The following DARS2 variants were observed in gnomAD, a reference collection of about 807,000 sequenced individuals.
The protein encoded by DARS2 is aspartate--tRNA ligase, mitochondrial.
A neutral mutation model predicts 83.0 loss-of-function variants in DARS2; 63 were observed. The observed-to-expected ratio is 0.76, with a 90% CI of 0.62 to 0.94. The LOEUF is 0.94. Among genes scored for constraint, DARS2 ranks in the 40% least tolerant of loss-of-function variants. The pLI, the probability that DARS2 is intolerant of heterozygous loss-of-function variation, is 0.00. For missense variants in DARS2, 675 were observed against 774.4 expected, an observed-to-expected ratio of 0.87 and a Z score of 1.52; for synonymous variants, 250 against 269.3, an observed-to-expected ratio of 0.93 and a Z score of 0.70.
intron 15 of DARS2, among the ~76,000 whole-genome samples, chr1:173,855,601 C>T (rs1194514735): frequency 6.6e-6 from 1 of 152,136 alleles, no homozygotes; most frequent in Non-Finnish European, 1.5e-5. Context: ...AGCTTCCAGT[C>T]AGCAGTTTTC....
chr1:173,845,962 C>G lies in DARS2; in HGVS notation c.1191+671C>G, dbSNP rs191249088. On this transcript the variant is annotated intron_variant, in intron 12 of 16. Coordinates refer to ENST00000649689, the MANE Select transcript of DARS2 (RefSeq NM_018122.5). ...CACGAAGTCAGGAGATTGAGACCAT[C>G]CTGGCTAACATGGTGAAACCCCGTC... Among the ~76,000 whole-genome samples the G allele has an allele frequency of 7.5e-3, 1,136 of 152,222 alleles. 13 individuals are homozygous for G. Among genetic ancestry groups the G allele is most frequent in the African/African-American group, 0.024 (1,012 of 41,540 alleles).
intron 11 of DARS2, among the ~76,000 whole-genome samples, chr1:173,842,937 T>TC (rs1653284944): frequency 8.4e-6 from 1 of 118,432 alleles, no homozygotes; most frequent in Non-Finnish European, 1.6e-5. Flanking sequence ...ACACTCCATC[T>TC]TAAAAAAAAA....
At position 173,858,199 on chromosome 1, in the gene DARS2, CATA is replaced by C. The variant is rs943743175; in HGVS notation, c.*498_*500del. 3.7e-5 allele frequency: 6 copies of C among 161,634 alleles called. No homozygotes were observed. The highest frequency in any genetic ancestry group is 1.4e-4 in the African/African-American group (6 of 41,648). 10.0% of individuals were successfully genotyped at this position (161,634 alleles called of 1,614,324 possible). A position where few individuals can be genotyped will look rare whatever the true frequency, so the allele number is the denominator to read the frequency against. On this transcript the variant is annotated 3_prime_UTR_variant, in exon 17 of 17. Coordinates refer to ENST00000649689, the MANE Select transcript of DARS2 (RefSeq NM_018122.5). ...ATCAACATAATATAGTGAGGAGTAG[CATA>C]ATATTTTTTAATAATGCAGAAAACA...
At chr1:173,850,889 G>T (rs551239110) in intron 13 of DARS2, among the ~76,000 whole-genome samples, 6 of 152,064 alleles carry the variant, frequency 3.9e-5, no homozygotes, top group African/African-American at 1.4e-4. Flanking sequence ...ACAGGCGTGA[G>T]CCACCGTGCC....
Position 173,842,317 on chromosome 1 carries a change from T to TTTTTTTTTTTTTTTTTTTTTTTTTTG in DARS2, c.1128+1344_1128+1345insTTTTTTTTTTTTTTTTTTTTTTTTTG, listed in dbSNP as rs1304745729. ...TTTTTTTTTTTTTTTTTTTTTTTTT[T>TTTTTTTTTTTTTTTTTTTTTTTTTTG]AGAGTGAGTCTTGCTCTGTCGCCCA... is the stretch of plus-strand genomic sequence containing the variant. On this transcript the variant is annotated intron_variant, in intron 11 of 16. Transcript: ENST00000649689. 1.5e-4 allele frequency among the ~76,000 whole-genome samples: 17 copies of TTTTTTTTTTTTTTTTTTTTTTTTTTG among 116,628 alleles called. 5 individuals are homozygous for TTTTTTTTTTTTTTTTTTTTTTTTTTG. The highest frequency in any genetic ancestry group is 7.2e-4 in the African/African-American group (17 of 23,540). The allele number at this position is 116,628 out of a possible 152,430, so 76.5% of individuals were successfully genotyped here. A position where few individuals can be genotyped will look rare whatever the true frequency, so the allele number is the denominator to read the frequency against.
At chr1:173,826,116 G>C (rs1223128098) in intron 1 of DARS2, among the ~76,000 whole-genome samples, 2 of 151,706 alleles carry the variant, frequency 1.3e-5, no homozygotes, top group African/African-American at 2.4e-5. Context: ...CCCCGCTGCT[G>C]GGGAGGCCGA....
chr1:173,836,543 CAAA>C (rs749404243), intron 7 of DARS2, among the ~76,000 whole-genome samples: 1 of 109,568 alleles, frequency 9.1e-6, no homozygotes, highest in African/African-American at 3.5e-5. Flanking sequence ...GATTCTGTCT[CAAA>C]AAAAAAAAAA....
At chr1:173,846,111 T>C (rs1424278082) in intron 12 of DARS2, among the ~76,000 whole-genome samples, 1 of 151,634 alleles carries the variant, frequency 6.6e-6, no homozygotes. Context: ...TGAGCCGAGA[T>C]TGTGCCACTG....
intron 7 of DARS2, among the ~76,000 whole-genome samples, chr1:173,836,485 G>A (rs1653010121): frequency 6.6e-6 from 1 of 151,424 alleles, no homozygotes; most frequent in East Asian, 1.9e-4. Context: ...GGAGGTTGCA[G>A]TGAGCCGAGA....
At chr1:173,841,117 G>A (rs1207045360) in intron 11 of DARS2, 144 bp downstream of exon 11, 13 of 673,512 alleles carry the variant, frequency 1.9e-5, no homozygotes, top group East Asian at 1.7e-4. Flanking sequence ...GCTCACACCT[G>A]TAATCCTAGC....
At chr1:173,838,755 AGACAGAGTCTC>A (rs1653100027) in intron 9 of DARS2, among the ~76,000 whole-genome samples, 1 of 151,848 alleles carries the variant, frequency 6.6e-6, no homozygotes, top group African/African-American at 2.4e-5. Flanking sequence ...TTATTTTTTG[AGACAGAGTCTC>A]GCTCTGTCTC....
intron 2 of DARS2, among the ~76,000 whole-genome samples, chr1:173,827,027 G>A (rs1221648971): frequency 6.6e-6 from 1 of 152,172 alleles, no homozygotes; most frequent in African/African-American, 2.4e-5. Context: ...ATCTGTTGAA[G>A]GGTATAACAA....
At chr1:173,851,730 T>C in intron 13 of DARS2, 1 of 522,668 alleles carries the variant, frequency 1.9e-6, no homozygotes, top group Non-Finnish European at 2.5e-6. Context: ...AATTTATTTT[T>C]TCACTTTAGT....
In DARS2 at chr1:173,832,768, CAA is replaced by C. The variant is rs5779442; in HGVS notation, c.493-591_493-590del. Among the ~76,000 whole-genome samples the C allele has an allele frequency of 2.4e-3, 244 of 103,708 alleles. 1 individual carries two copies. The highest frequency in any genetic ancestry group is 5.9e-3 in the African/African-American group (178 of 30,188). The allele number at this position is 103,708 out of a possible 152,430, so 68.0% of individuals were successfully genotyped here. A position where few individuals can be genotyped will look rare whatever the true frequency, so the allele number is the denominator to read the frequency against. On this transcript the variant is annotated intron_variant, in intron 5 of 16. Transcript: ENST00000649689. The stretch of plus-strand genomic sequence containing the variant: ...TGGGTGACACAGCAAGACTCCATCT[CAA>C]AAAAAAAAAAAAAAAAGAGAGAGAA...
intron 13 of DARS2, chr1:173,852,338 C>A: frequency 2.9e-6 from 2 of 688,012 alleles, no homozygotes; most frequent in Non-Finnish European, 3.6e-6. Context: ...ATTTAATCCT[C>A]ATGCCAACCC....
chr1:173,850,563 T>G (rs1445757303), intron 13 of DARS2, 84 bp downstream of exon 13: 1 of 1,382,050 alleles, frequency 7.2e-7, no homozygotes, highest in East Asian at 2.5e-5. Context: ...ACGTTTGAAC[T>G]GTAGACTGTT....
In DARS2 at chr1:173,850,851, C is replaced by T. The variant is rs1461899198; in HGVS notation, c.1344+372C>T. Among the ~76,000 whole-genome samples the T allele has an allele frequency of 1.8e-4, 27 of 151,884 alleles. 1 individual carries two copies. The highest frequency in any genetic ancestry group is 9.8e-4 in the Admixed American group (15 of 15,258). ...AACTCCTCAGCTTAGGCAGTCCACC[C>T]GCCGCAGCCTCCTGAAGTGCTAGGA... On this transcript the variant is annotated intron_variant, in intron 13 of 16. Coordinates refer to ENST00000649689, the MANE Select transcript of DARS2 (RefSeq NM_018122.5).
intron 8 of DARS2, among the ~76,000 whole-genome samples, chr1:173,837,575 G>C (rs1213880892): frequency 2.6e-5 from 4 of 152,102 alleles, no homozygotes; most frequent in African/African-American, 4.8e-5. Context: ...AAGCAAAAGA[G>C]TATATATGAA....
At chr1:173,855,545 G>C (rs1019474925) in intron 15 of DARS2, among the ~76,000 whole-genome samples, 3 of 152,142 alleles carry the variant, frequency 2.0e-5, no homozygotes, top group African/African-American at 4.8e-5. Flanking sequence ...TCATAACTTA[G>C]GGCAGCCTCA....
Sources: gnomAD v4.1 joint callset for allele counts (sites outside exome capture counted in the v4.1 genomes callset) on GRCh38, gnomAD v4.1.1 for gene constraint, MANE v1.5 for transcripts, NCBI Gene and HGNC (gene_info 2026-07-23, HGNC 2026-07-21) for gene names.